ZNF407: variants seen among roughly 807,000 people sequenced by gnomAD.
ZNF407 encodes zinc finger protein 407.
ZNF407 carries 17 observed loss-of-function variants against 131.2 expected under a neutral mutation model. The observed-to-expected ratio is 0.13, with a 90% CI of 0.09 to 0.19. ZNF407 has a LOEUF of 0.19. Among genes scored for constraint, ZNF407 ranks in the 10% least tolerant of loss-of-function variants. The pLI is 1.00. For synonymous variants in ZNF407, 1,156 were observed against 1,062.0 expected, an observed-to-expected ratio of 1.09 and a Z score of -1.72; for missense variants, 2,681 against 2,830.6, an observed-to-expected ratio of 0.95 and a Z score of 1.20.
intron 3 of ZNF407, among the ~76,000 whole-genome samples, chr18:74,659,031 T>C (rs1469299862): frequency 1.3e-5 from 2 of 152,136 alleles, no homozygotes; most frequent in African/African-American, 4.8e-5. Flanking sequence ...GAGTGGACAT[T>C]GGTATTCTCC....
intron 8 of ZNF407, among the ~76,000 whole-genome samples, chr18:75,019,621 C>T (rs1408528607): frequency 1.3e-5 from 2 of 152,096 alleles, no homozygotes; most frequent in Admixed American, 1.3e-4. Context: ...TAAGGGCTCC[C>T]CACCTGTTAG....
intron 4 of ZNF407, among the ~76,000 whole-genome samples, chr18:74,844,658 A>G (rs1159720235): frequency 6.6e-6 from 1 of 152,188 alleles, no homozygotes; most frequent in Non-Finnish European, 1.5e-5. Flanking sequence ...CAAAATTTTT[A>G]AATTATTTAA....
intron 1 of ZNF407, among the ~76,000 whole-genome samples, chr18:74,610,676 A>C (rs551937397): frequency 1.2e-3 from 189 of 151,978 alleles, no homozygotes; most frequent in African/African-American, 4.4e-3. Context: ...CTGCCTCCCA[A>C]GCAGCTGGGA....
intron 8 of ZNF407, among the ~76,000 whole-genome samples, chr18:74,957,324 G>A (rs191882582): frequency 6.6e-5 from 10 of 152,092 alleles, no homozygotes; most frequent in Non-Finnish European, 1.0e-4. Context: ...CAGTCCCGTC[G>A]CCCTTTCCAT....
At chr18:74,752,218 T>C (rs1241345261) in intron 3 of ZNF407, among the ~76,000 whole-genome samples, 1 of 152,016 alleles carries the variant, frequency 6.6e-6, no homozygotes, top group East Asian at 1.9e-4. Context: ...TTTGATGGGG[T>C]TGTTTGATTT....
chr18:74,752,719 G>A (rs1323683919), intron 3 of ZNF407, among the ~76,000 whole-genome samples: 1 of 152,172 alleles, frequency 6.6e-6, no homozygotes, highest in Non-Finnish European at 1.5e-5. Flanking sequence ...GCTCTGTTCT[G>A]TTCCATTGGT....
At chr18:74,812,422 G>A (rs1970209912) in intron 4 of ZNF407, among the ~76,000 whole-genome samples, 1 of 151,972 alleles carries the variant, frequency 6.6e-6, no homozygotes, top group Admixed American at 6.6e-5. Flanking sequence ...CCAGAATTTG[G>A]TTTTCCCATA....
At chr18:74,854,799 G>A (rs1377703338) in intron 4 of ZNF407, among the ~76,000 whole-genome samples, 1 of 151,954 alleles carries the variant, frequency 6.6e-6, no homozygotes, top group East Asian at 1.9e-4. Flanking sequence ...CTTAAGACAT[G>A]CACCCGAACC....
chr18:74,764,922 A>T lies in ZNF407; in HGVS notation c.4803-16506A>T, dbSNP rs553861238. On this transcript the variant is annotated intron_variant, in intron 3 of 8. Transcript: ENST00000299687. ...TTATTAAGTGGAAGTGAATCCTTAT[A>T]AAAGTCTTCATTCTCATTATCTTCA... 3.3e-5 allele frequency among the ~76,000 whole-genome samples: 5 copies of T among 152,328 alleles called. No homozygotes were observed. The East Asian group carries it at 9.6e-4, about 29-fold the overall frequency.
rs192051494 is a variant in ZNF407 at position 74,909,469 on chromosome 18, T to C, written c.5250-11045T>C. 4.5e-4 allele frequency among the ~76,000 whole-genome samples: 69 copies of C among 152,276 alleles called. No individual in the cohort carries two copies. In the East Asian group the frequency reaches 8.9e-3, roughly 20 times the overall value. The stretch of plus-strand genomic sequence containing the variant: ...AAGAAAATGTTCTGTAGTCAAAAAA[T>C]TTGAGAAGCAAAATGTTAAGCAAAA... On this transcript the variant is annotated intron_variant, in intron 7 of 8. Transcript: ENST00000299687.
intron 3 of ZNF407, among the ~76,000 whole-genome samples, chr18:74,763,960 G>T (rs550744087): frequency 6.6e-5 from 10 of 151,736 alleles, no homozygotes; most frequent in Non-Finnish European, 8.8e-5. Flanking sequence ...TGATCCGCCC[G>T]CCTCGGCCTC....
At chr18:75,060,507 C>CTTTTTTTT (rs564194650) in intron 8 of ZNF407, among the ~76,000 whole-genome samples, 27 of 124,454 alleles carry the variant, frequency 2.2e-4, no homozygotes, top group South Asian at 4.8e-4. Flanking sequence ...TTCTTTTTTT[C>CTTTTTTTT]TTTTTTTTTT....
chr18:74,742,869 G>A (rs1395869059), intron 3 of ZNF407, among the ~76,000 whole-genome samples: 1 of 152,126 alleles, frequency 6.6e-6, no homozygotes, highest in African/African-American at 2.4e-5. Flanking sequence ...GGTCTTGAAT[G>A]TATATTCAGT....
At chr18:74,855,454 A>T (rs1970846363) in intron 4 of ZNF407, among the ~76,000 whole-genome samples, 1 of 152,232 alleles carries the variant, frequency 6.6e-6, no homozygotes, top group Non-Finnish European at 1.5e-5. Flanking sequence ...GGTACTTTTA[A>T]ATCCAATATC....
intron 8 of ZNF407, among the ~76,000 whole-genome samples, chr18:74,938,496 AT>A (rs527404751): frequency 2.7e-5 from 4 of 150,208 alleles, no homozygotes; most frequent in South Asian, 2.1e-4. Context: ...GATCGTCTTA[AT>A]TTTTTTTTTA....
intron 8 of ZNF407, among the ~76,000 whole-genome samples, chr18:74,948,620 T>C (rs1326522122): frequency 6.6e-6 from 1 of 152,222 alleles, no homozygotes; most frequent in Non-Finnish European, 1.5e-5. Context: ...TATTGAAAAT[T>C]ATATTTCTTA....
chr18:74,633,066 C>G lies in ZNF407; in HGVS notation c.2047C>G (p.Gln683Glu). Residue 683 changes from glutamine to glutamate, a missense_variant, in exon 2 of 9, where the codon CAG becomes GAG. Around this residue, in one of 6 missense-constraint regions of ZNF407, gnomAD observed 1,789 missense variants for 1,748.7 expected, o/e 1.02. Coordinates refer to ENST00000299687, the MANE Select transcript of ZNF407 (RefSeq NM_017757.3). ...ESMDDSGKAS[Q>E]EEPLKSRVSH... is the part of the protein sequence containing the mutation. ...TATGGATGACTCAGGAAAAGCATCT[C>G]AGGAAGAACCTCTGAAGTCCAGGGT... is the stretch of plus-strand genomic sequence containing the variant. The G allele has an allele frequency of 1.2e-6, 2 of 1,613,932 alleles. No homozygotes were observed. Among genetic ancestry groups the G allele is most frequent in the South Asian group, 1.1e-5 (1 of 91,074 alleles).
chr18:74,755,644 A>G (rs1968921304), intron 3 of ZNF407, among the ~76,000 whole-genome samples: 1 of 133,180 alleles, frequency 7.5e-6, no homozygotes, highest in Non-Finnish European at 1.5e-5. Flanking sequence ...GCTGGAGTGC[A>G]GTGGCGCTAT....
intron 1 of ZNF407, among the ~76,000 whole-genome samples, chr18:74,622,645 G>A: frequency 6.6e-6 from 1 of 152,222 alleles, no homozygotes. Flanking sequence ...CCTGCATGAC[G>A]AATTTGGGTG....
Sources: gnomAD v4.1 joint callset for allele counts (sites outside exome capture counted in the v4.1 genomes callset) on GRCh38, gnomAD v4.1.1 for gene constraint, gnomAD v4.1.1 regional missense constraint, MANE v1.5 for transcripts, NCBI Gene and HGNC (gene_info 2026-07-23, HGNC 2026-07-21) for gene names.